Variants in AFDN observed in about 807,000 individuals in gnomAD.
The protein encoded by AFDN is afadin.
AFDN carries 68 observed loss-of-function variants against 216.6 expected under a neutral mutation model. The ratio of observed to expected loss-of-function variants is 0.31; its 90% CI spans 0.26 to 0.38. AFDN has a LOEUF of 0.38. Among genes scored for constraint, AFDN ranks in the 10% least tolerant of loss-of-function variants. The pLI is 1.00. For missense variants in AFDN, 2,136 were observed against 2,342.0 expected (o/e 0.91, Z 1.82); for synonymous variants, 868 against 853.7 (o/e 1.02, Z -0.29).
rs1790371005 is a variant in AFDN at position 167,911,383 on chromosome 6, A to G, written c.1931A>G (p.Tyr644Cys). 4 of 1,613,962 alleles carry G rather than the reference A, an allele frequency of 2.5e-6. No homozygotes were observed. Among genetic ancestry groups the G allele is most frequent in the Non-Finnish European group, 3.4e-6 (4 of 1,179,858 alleles). ...TATGTATTATATATGGCATGCCGGT[A>G]TGTATTGTCCAACCAGTACAGACCT... is the stretch of plus-strand genomic sequence containing the variant. ...PTYVLYMACR[Y>C]VLSNQYRPDI... Residue 644 changes from tyrosine to cysteine, a missense_variant, in exon 15 of 34, where the codon TAT becomes TGT. Tyr to Cys is a radical substitution (Grantham distance 194, BLOSUM62 -2). Transcript: ENST00000683244.
intron 6 of AFDN, among the ~76,000 whole-genome samples, chr6:167,884,687 G>A (rs1046930128): frequency 2.0e-5 from 3 of 152,080 alleles, no homozygotes; most frequent in Non-Finnish European, 2.9e-5. Context: ...TCTAGGATTT[G>A]TTGTTCATTT....
chr6:167,922,113 C>T (rs1344593484), intron 21 of AFDN, among the ~76,000 whole-genome samples: 2 of 152,062 alleles, frequency 1.3e-5, no homozygotes, highest in Admixed American at 6.6e-5. Context: ...GAAAATGTAC[C>T]GAGGATTGTT....
At chr6:167,826,809 C>CGGCGGCGCCGCGCGG (rs1465599179), upstream of AFDN, 8 of 144,546 alleles carry the variant, frequency 5.5e-5, no homozygotes, top group Admixed American at 4.8e-4. Context: ...CCCGGAGGTG[C>CGGCGGCGCCGCGCGG]GGCGGCGCCG....
Position 167,946,879 on chromosome 6 carries a change from C to T in AFDN, c.3531C>T (p.His1177=). Residue 1177 remains histidine, a synonymous_variant, in exon 27 of 34, where the codon CAC becomes CAT. Coordinates refer to ENST00000683244, the MANE Select transcript of AFDN (RefSeq NM_001386888.1). ...GACTGATGAAAAATAGAGCTGATCA[C>T]CGTTCCAGCCCCAACGTAGCAAGTA... ...DDRLMKNRAD[H]RSSPNVANQP... The T allele has an allele frequency of 1.2e-6, 2 of 1,611,946 alleles. No individual in the cohort carries two copies. The highest frequency in any genetic ancestry group is 1.7e-6 in the Non-Finnish European group (2 of 1,179,422).
Position 167,827,125 on chromosome 6 carries a change from C to T in AFDN, c.-8C>T. The T allele has an allele frequency of 1.6e-6, 2 of 1,269,140 alleles. No individual in the cohort carries two copies. Among genetic ancestry groups the T allele is most frequent in the Non-Finnish European group, 1.0e-6 (1 of 977,314 alleles). The allele number at this position is 1,269,140 out of a possible 1,614,324, so 78.6% of individuals were successfully genotyped here. A position where few individuals can be genotyped will look rare whatever the true frequency, so the allele number is the denominator to read the frequency against. ...GCCCCGCGCGGCTGAGGAGGCGCGG[C>T]CAGGACCATGTCGGCGGGCGGCCGT... On this transcript the variant is annotated 5_prime_UTR_variant, in exon 1 of 34. Coordinates refer to ENST00000683244, the MANE Select transcript of AFDN (RefSeq NM_001386888.1).
intron 9 of AFDN, among the ~76,000 whole-genome samples, chr6:167,896,161 C>A (rs1184458724): frequency 2.6e-5 from 4 of 151,668 alleles, no homozygotes; most frequent in African/African-American, 7.3e-5. Flanking sequence ...CACCCCTTCC[C>A]TGTCATGGAA....
At chr6:167,828,793 G>C (rs1315263001) in intron 1 of AFDN, among the ~76,000 whole-genome samples, 3 of 139,098 alleles carry the variant, frequency 2.2e-5, no homozygotes, top group Non-Finnish European at 4.6e-5. Flanking sequence ...TTTTTTGAGA[G>C]ATTTCTCAAG....
chr6:167,915,043 ATATTTT>A (rs1790871595), intron 18 of AFDN, 119 bp from the exon 19 acceptor site: 1 of 973,734 alleles, frequency 1.0e-6, no homozygotes, highest in African/African-American at 1.6e-5. Context: ...AATGAAGTTG[ATATTTT>A]TAAAGTAATT....
At chr6:167,931,164 T>G (rs1793251849) in intron 23 of AFDN, among the ~76,000 whole-genome samples, 1 of 152,166 alleles carries the variant, frequency 6.6e-6, no homozygotes, top group Non-Finnish European at 1.5e-5. Context: ...GAATGGCAGT[T>G]TTTGGATTGG....
In AFDN at chr6:167,827,162, G is replaced by C; in HGVS notation, c.30G>C (p.Arg10=). MSAGGRDEE[R]RKLADIIHHW... ...CGGCGGGCGGCCGTGACGAGGAGCG[G>C]CGGAAGCTGGCCGACATCATCCACC... is the stretch of plus-strand genomic sequence containing the variant. The change falls in exon 1 of 34, where the codon CGG becomes CGC. Residue 10 remains arginine (R), a synonymous_variant. Coordinates refer to ENST00000683244, the MANE Select transcript of AFDN (RefSeq NM_001386888.1). 1 of 1,301,592 alleles carries C rather than the reference G, an allele frequency of 7.7e-7. No homozygotes were observed. Among genetic ancestry groups the C allele is most frequent in the Non-Finnish European group, 1.0e-6 (1 of 996,350 alleles). 80.6% of individuals were successfully genotyped at this position (1,301,592 alleles called of 1,614,324 possible). A position where few individuals can be genotyped will look rare whatever the true frequency, so the allele number is the denominator to read the frequency against.
intron 18 of AFDN, 141 bp from the exon 19 acceptor site, chr6:167,915,027 T>A: frequency 1.2e-6 from 1 of 849,540 alleles, no homozygotes; most frequent in Non-Finnish European, 1.8e-6. Context: ...CACTGTTTCC[T>A]CTTGGAATGA....
chr6:167,965,141 A>AT, intron 31 of AFDN: 1 of 876,998 alleles, frequency 1.1e-6, no homozygotes, highest in Non-Finnish European at 1.4e-6. Flanking sequence ...CTTTGGGAGA[A>AT]TGAGTGTTTT....
chr6:167,962,608 G>A lies in AFDN; in HGVS notation c.4968+41G>A. ...GGGCAGCTAGAATTTTACCAAGTTA[G>A]CCTGAACGTAATCGATTGGCTGGGG... On this transcript the variant is annotated intron_variant, in intron 31 of 33. Coordinates refer to ENST00000683244, the MANE Select transcript of AFDN (RefSeq NM_001386888.1). This position sits in a 1 kb window ranked among gnomAD's most constrained non-coding sequence, Gnocchi z 5.2. 1.2e-6 allele frequency: 2 copies of A among 1,612,956 alleles called. No homozygotes were observed. The highest frequency in any genetic ancestry group is 1.7e-6 in the Non-Finnish European group (2 of 1,179,000).
At chr6:167,920,343 C>T (rs1267735601) in intron 21 of AFDN, among the ~76,000 whole-genome samples, 2 of 152,176 alleles carry the variant, frequency 1.3e-5, no homozygotes, top group Non-Finnish European at 2.9e-5. Flanking sequence ...CTGGAAAAAG[C>T]CTCATGCCAC....
chr6:167,963,367 TC>T (rs1797228597), intron 31 of AFDN: 2 of 1,058,800 alleles, frequency 1.9e-6, no homozygotes, highest in African/African-American at 3.3e-5. Context: ...CTCTGTTACT[TC>T]CCTTCTATGA....
At position 167,970,395 on chromosome 6, in the gene AFDN, TTAG is replaced by T. The variant is rs1262813693; in HGVS notation, c.*465_*467del. 2.2e-5 allele frequency: 5 copies of T among 225,310 alleles called. No homozygotes were observed. The highest frequency in any genetic ancestry group is 4.4e-5 in the Non-Finnish European group (5 of 113,982). 14.0% of individuals were successfully genotyped at this position (225,310 alleles called of 1,614,324 possible). A position where few individuals can be genotyped will look rare whatever the true frequency, so the allele number is the denominator to read the frequency against. Reference sequence around the variant, plus strand: ...CTATTCAGACTATTGTTGGCACTGTTTAGTAGTGACCACACGCTCTTCTACCCG... The same window carrying T: ...CTATTCAGACTATTGTTGGCACTGTTTAGTGACCACACGCTCTTCTACCCG... On this transcript the variant is annotated 3_prime_UTR_variant, in exon 34 of 34. Transcript: ENST00000683244.
rs551581401 is a variant in AFDN, at chr6:167,907,154, G to T, written c.1651-17G>T. 1 of 1,604,104 alleles carries T rather than the reference G, an allele frequency of 6.2e-7. No individual in the cohort carries two copies. The highest frequency in any genetic ancestry group is 8.5e-7 in the Non-Finnish European group (1 of 1,171,672). On this transcript the variant is annotated splice_polypyrimidine_tract_variant and intron_variant, in intron 12 of 33. Transcript: ENST00000683244. ...CTGTGTGAGGTTCTAAACCCGTTGT[G>T]CTTTCTCTCCATGTAGAGCACCACT...
chr6:167,962,648 A>C lies in AFDN; in HGVS notation c.4968+81A>C. The C allele has an allele frequency of 4.4e-6, 7 of 1,597,582 alleles. No homozygotes were observed. The South Asian group carries it at 7.8e-5, about 18-fold the overall frequency. On this transcript the variant is annotated intron_variant, in intron 31 of 33. Coordinates refer to ENST00000683244, the MANE Select transcript of AFDN (RefSeq NM_001386888.1). The surrounding 1 kb of genome is among the most constrained non-coding windows in gnomAD (Gnocchi z 5.2). ...ATTGGCTGGGGCAGAGCGGGCTGGAAGTTCTGTGTTTCTTAAGAAGCACGA... is the reference window on the plus strand; with the variant it reads ...ATTGGCTGGGGCAGAGCGGGCTGGACGTTCTGTGTTTCTTAAGAAGCACGA...
intron 1 of AFDN, among the ~76,000 whole-genome samples, chr6:167,829,686 T>G (rs1779618123): frequency 6.6e-6 from 1 of 152,104 alleles, no homozygotes; most frequent in Non-Finnish European, 1.5e-5. Context: ...GTTGTTTTTT[T>G]TTTGGGTACA....
Sources: allele counts gnomAD v4.1 joint callset (sites outside exome capture counted in the v4.1 genomes callset), GRCh38; gene constraint gnomAD v4.1.1; non-coding constraint Gnocchi (gnomAD v3.1); transcripts MANE v1.5; gene names NCBI Gene and HGNC (gene_info 2026-07-23, HGNC 2026-07-21).